NEO1: variants seen among roughly 807,000 people sequenced by gnomAD.
NEO1 encodes the protein neogenin 1.
A neutral mutation model predicts 159.7 loss-of-function variants in NEO1; 63 were observed. That is an observed-to-expected ratio of 0.39 (90% CI 0.32 to 0.49). The LOEUF is 0.49. Ranked by LOEUF, NEO1 falls within the 20% of genes least tolerant of loss-of-function variation. The probability of loss-of-function intolerance (pLI) is 0.85; values close to 1 mark genes in which losing one functional copy is unlikely to be tolerated. For missense variants in NEO1, 1,615 were observed against 1,831.0 expected (o/e 0.88, Z 2.15); for synonymous variants, 633 against 662.0 (o/e 0.96, Z 0.67).
intron 1 of NEO1, among the ~76,000 whole-genome samples, chr15:73,074,343 T>A (rs1299863935): frequency 2.0e-5 from 3 of 152,238 alleles, no homozygotes; most frequent in African/African-American, 7.2e-5. Context: ...TTATCAAGAT[T>A]AGGCAGTCAC....
chr15:73,146,527 G>A (rs548419990), intron 5 of NEO1, among the ~76,000 whole-genome samples: 164 of 152,212 alleles, frequency 1.1e-3, no homozygotes, highest in Middle Eastern at 3.4e-3. Context: ...GGATTGGTTT[G>A]CAGTTCTTCT....
chr15:73,114,816 A>T (rs2071211267), intron 1 of NEO1, among the ~76,000 whole-genome samples: 1 of 152,200 alleles, frequency 6.6e-6, no homozygotes, highest in African/African-American at 2.4e-5. Flanking sequence ...GAGATTTAAT[A>T]GTTACATAGT....
chr15:73,057,914 T>G (rs1485170256), intron 1 of NEO1, among the ~76,000 whole-genome samples: 6 of 152,188 alleles, frequency 3.9e-5, no homozygotes, highest in Non-Finnish European at 8.8e-5. Flanking sequence ...TCAAACAATA[T>G]AAAAATACAT....
intron 5 of NEO1, among the ~76,000 whole-genome samples, chr15:73,151,297 A>G (rs1284433397): frequency 1.3e-5 from 2 of 152,208 alleles, no homozygotes; most frequent in Non-Finnish European, 2.9e-5. Flanking sequence ...TAGATGGTAC[A>G]TGTTATAGAC....
chr15:73,088,645 G>T (rs2069500547), intron 1 of NEO1, among the ~76,000 whole-genome samples: 1 of 152,062 alleles, frequency 6.6e-6, no homozygotes. Context: ...GGTAAAAAGA[G>T]TGAAAAAGTT....
intron 7 of NEO1, among the ~76,000 whole-genome samples, chr15:73,217,514 C>T (rs1359587413): frequency 1.3e-5 from 2 of 152,090 alleles, no homozygotes; most frequent in African/African-American, 2.4e-5. Flanking sequence ...TATAAATTGC[C>T]TTGGGCAGTA....
chr15:73,115,272 A>C (rs2071242210), intron 1 of NEO1, among the ~76,000 whole-genome samples: 1 of 152,190 alleles, frequency 6.6e-6, no homozygotes, highest in East Asian at 1.9e-4. Context: ...CGAACTGCTG[A>C]CCTCATGATC....
chr15:73,085,332 T>A (rs2069297042), intron 1 of NEO1, among the ~76,000 whole-genome samples: 1 of 152,202 alleles, frequency 6.6e-6, no homozygotes, highest in Non-Finnish European at 1.5e-5. Context: ...CTGAGTAGTA[T>A]TCCATTGTAT....
chr15:73,122,373 C>A (rs1038422434), intron 2 of NEO1, 152 bp from the exon 3 acceptor site: 2 of 650,392 alleles, frequency 3.1e-6, no homozygotes, highest in Non-Finnish European at 5.1e-6. Flanking sequence ...GCCCAGTATC[C>A]CTGTATTTAG....
chr15:73,127,081 A>AT (rs2030365393), intron 4 of NEO1, among the ~76,000 whole-genome samples: 1 of 152,046 alleles, frequency 6.6e-6, no homozygotes, highest in South Asian at 2.1e-4. Flanking sequence ...AATACAAAAA[A>AT]TTAGCTGGGC....
intron 11 of NEO1, among the ~76,000 whole-genome samples, chr15:73,252,361 C>T (rs944410498): frequency 4.1e-4 from 63 of 152,324 alleles, no homozygotes; most frequent in African/African-American, 1.4e-3. Flanking sequence ...GTGGGCCACA[C>T]ACTGAGATAA....
At chr15:73,075,557 A>T (rs2068730041) in intron 1 of NEO1, among the ~76,000 whole-genome samples, 1 of 152,120 alleles carries the variant, frequency 6.6e-6, no homozygotes, top group Admixed American at 6.6e-5. Context: ...AACAGATTGG[A>T]CTTGGGGGAA....
chr15:73,278,231 C>T (rs1567676342), intron 22 of NEO1, 32 bp downstream of exon 22: 1 of 1,593,468 alleles, frequency 6.3e-7, no homozygotes, highest in East Asian at 2.2e-5. Context: ...TTTTTGCTTA[C>T]TATGGACATG....
chr15:73,208,866 T>TTAAAA (rs1007396028), intron 7 of NEO1, among the ~76,000 whole-genome samples: 5 of 151,996 alleles, frequency 3.3e-5, no homozygotes, highest in African/African-American at 9.7e-5. Context: ...TGTCTCAAAA[T>TTAAAA]TAAAATAAAA....
rs769328115 is a variant in NEO1 at position 73,266,417 on chromosome 15, G to T, written c.2494+6G>T. On this transcript the variant is annotated splice_donor_region_variant and intron_variant, in intron 16 of 28. Transcript: ENST00000261908. ...TGTGACCAGGCCTCACACAGGTAAG[G>T]TATCCTATCTTTCCTAGTCTCCAGC... The T allele has an allele frequency of 1.7e-5, 27 of 1,600,424 alleles. No homozygotes were observed. In the Admixed American group the frequency reaches 3.9e-4, roughly 23 times the overall value.
chr15:73,171,007 A>G (rs1280984599), intron 5 of NEO1, among the ~76,000 whole-genome samples: 1 of 152,022 alleles, frequency 6.6e-6, no homozygotes, highest in African/African-American at 2.4e-5. Flanking sequence ...TCGGGGGAAA[A>G]AAAAAAAACT....
chr15:73,068,337 C>CAGCCTCCCA (rs55997708), intron 1 of NEO1, among the ~76,000 whole-genome samples: 83,440 of 150,728 alleles, frequency 0.55, 23,389 homozygotes, highest in Middle Eastern at 0.61. Flanking sequence ...TTCTAGTGCC[C>CAGCCTCCCA]AATAGCTGGG....
chr15:73,168,089 A>C (rs925098657), intron 5 of NEO1, among the ~76,000 whole-genome samples: 1 of 152,210 alleles, frequency 6.6e-6, no homozygotes, highest in African/African-American at 2.4e-5. Context: ...ATTTTGGTTT[A>C]GGCCACTGGG....
intron 5 of NEO1, among the ~76,000 whole-genome samples, chr15:73,166,633 G>C (rs1196593955): frequency 6.6e-6 from 1 of 152,170 alleles, no homozygotes; most frequent in African/African-American, 2.4e-5. Context: ...CTTGAAGTGG[G>C]GTTTACAGGT....
Sources: allele counts gnomAD v4.1 joint callset (sites outside exome capture counted in the v4.1 genomes callset), GRCh38; gene constraint gnomAD v4.1.1; transcripts MANE v1.5; gene names NCBI Gene and HGNC (gene_info 2026-07-23, HGNC 2026-07-21).